The following CSF1R variants were observed in gnomAD, a reference collection of about 807,000 sequenced individuals.
CSF1R encodes colony stimulating factor 1 receptor.
In CSF1R, 40 loss-of-function variants were observed where a neutral mutation model predicts 110.0. The observed-to-expected ratio is 0.36, with a 90% confidence interval of 0.28 to 0.47. CSF1R has a LOEUF of 0.47. CSF1R is among the 20% of genes least tolerant of loss of function. CSF1R has a pLI of 0.99. For synonymous variants in CSF1R, 523 were observed against 503.4 expected, an observed-to-expected ratio of 1.04 and a Z score of -0.52; for missense variants, 1,052 against 1,253.0, an observed-to-expected ratio of 0.84 and a Z score of 2.42.
rs1350384812 is a variant in CSF1R at position 150,077,364 on chromosome 5, T to C, written c.801A>G (p.Gln267=). ...AGTTGCCGGCATGTTGGAAATCTAC[T>C]TGATCGAGGTTGAGGGTCAGGACTT... ...YQKVLTLNLD[Q]VDFQHAGNYS... Residue 267 remains glutamine, a synonymous_variant, in exon 5 of 21, where the codon CAA becomes CAG. Coordinates refer to ENST00000675795, the MANE Select transcript of CSF1R (RefSeq NM_001288705.3). 1.2e-6 allele frequency: 2 copies of C among 1,614,174 alleles called. No individual in the cohort carries two copies. The highest frequency in any genetic ancestry group is 1.7e-6 in the Non-Finnish European group (2 of 1,180,032).
At chr5:150,075,659 C>T (rs2113820297) in intron 5 of CSF1R, among the ~76,000 whole-genome samples, 1 of 152,180 alleles carries the variant, frequency 6.6e-6, no homozygotes, top group East Asian at 1.9e-4. Context: ...AGCTAGAGCA[C>T]ACACTTCATG....
At chr5:150,055,866 G>A (rs914319845) in intron 18 of CSF1R, among the ~76,000 whole-genome samples, 160 bp downstream of exon 18, 2 of 152,236 alleles carry the variant, frequency 1.3e-5, no homozygotes, top group African/African-American at 4.8e-5. Flanking sequence ...GGTCTGCCGA[G>A]TCCCGCAGGA....
chr5:150,073,175 GA>G, intron 6 of CSF1R, 125 bp downstream of exon 6: 1 of 897,440 alleles, frequency 1.1e-6, no homozygotes, highest in Non-Finnish European at 1.7e-6. Context: ...GCGAAGCCCA[GA>G]AAGGGGCAGG....
intron 10 of CSF1R, among the ~76,000 whole-genome samples, chr5:150,067,478 G>T (rs147861404): frequency 3.3e-5 from 5 of 152,172 alleles, no homozygotes; most frequent in African/African-American, 1.2e-4. Flanking sequence ...GTTGCTGAGG[G>T]CATTAAATGA....
upstream of CSF1R, among the ~76,000 whole-genome samples, chr5:150,088,531 TTC>T (rs1554104822): frequency 6.7e-6 from 1 of 149,346 alleles, no homozygotes; most frequent in African/African-American, 2.6e-5. Context: ...TTTTTTTTTT[TTC>T]TTTCTTTCTT....
intron 1 of CSF1R, among the ~76,000 whole-genome samples, chr5:150,100,613 T>C (rs891015955): frequency 6.6e-6 from 1 of 152,168 alleles, no homozygotes; most frequent in Non-Finnish European, 1.5e-5. Flanking sequence ...GGAAATCTCA[T>C]ACACTGCTGG....
At chr5:150,068,487 C>T (rs1757881821) in intron 9 of CSF1R, among the ~76,000 whole-genome samples, 157 bp from the exon 10 acceptor site, 1 of 152,160 alleles carries the variant, frequency 6.6e-6, no homozygotes, top group Non-Finnish European at 1.5e-5. Context: ...CTCTCCTGCA[C>T]ACCCTCCCCG....
At chr5:150,081,769 C>T (rs1480990446) in intron 1 of CSF1R, among the ~76,000 whole-genome samples, 1 of 152,228 alleles carries the variant, frequency 6.6e-6, no homozygotes, top group Non-Finnish European at 1.5e-5. Flanking sequence ...CCCCGGCACC[C>T]CCACACATCT....
Position 150,097,293 on chromosome 5 carries a change from G to A in CSF1R, c.-180-10686C>T, listed in dbSNP as rs192987264. Among the ~76,000 whole-genome samples the A allele has an allele frequency of 2.1e-4, 22 of 104,718 alleles. 1 individual carries two copies. In the East Asian group the frequency reaches 6.3e-3, roughly 30 times the overall value. 68.7% of individuals were successfully genotyped at this position (104,718 alleles called of 152,430 possible). A position where few individuals can be genotyped will look rare whatever the true frequency, so the allele number is the denominator to read the frequency against. On this transcript the variant is annotated intron_variant, in intron 1 of 21. Coordinates refer to the CSF1R transcript ENST00000286301. Reference sequence around the variant, plus strand: ...AGAAGGAAGGAAGGAAGGAGAAGGAGAAGGGAAGGGAAAGGGAAAGGGGAA... The same window carrying A: ...AGAAGGAAGGAAGGAAGGAGAAGGAAAAGGGAAGGGAAAGGGAAAGGGGAA...
chr5:150,060,846 A>C lies in CSF1R; in HGVS notation c.1969+16T>G. The C allele has an allele frequency of 6.4e-7, 1 of 1,569,050 alleles. No homozygotes were observed. Among genetic ancestry groups the C allele is most frequent in the Admixed American group, 1.8e-5 (1 of 56,830 alleles). ...AGGCCCCAAGACCTTGGCCCCAGGA[A>C]CCCCAAGGCCCTTACCTCCATGGGT... On this transcript the variant is annotated intron_variant, in intron 13 of 20. Coordinates refer to ENST00000675795, the MANE Select transcript of CSF1R (RefSeq NM_001288705.3).
intron 1 of CSF1R, among the ~76,000 whole-genome samples, chr5:150,093,614 G>C (rs1212876598): frequency 6.6e-6 from 1 of 152,116 alleles, no homozygotes; most frequent in Non-Finnish European, 1.5e-5. Flanking sequence ...AGAATGAATA[G>C]AAAACATCTA....
At chr5:150,094,517 G>C (rs1581342733) in intron 1 of CSF1R, 1 of 1,599,878 alleles carries the variant, frequency 6.3e-7, no homozygotes, top group Non-Finnish European at 8.5e-7. Context: ...TTCGAATGGC[G>C]AGGATGGCAA....
At chr5:150,094,471 A>G (rs1372153264) in intron 1 of CSF1R, 6 of 1,598,630 alleles carry the variant, frequency 3.8e-6, no homozygotes, top group East Asian at 4.5e-5. Flanking sequence ...GCAAAGCACT[A>G]TCACAAGGAA....
At chr5:150,106,733 CTCCA>C (rs1759568586) in intron 1 of CSF1R, among the ~76,000 whole-genome samples, 1 of 152,172 alleles carries the variant, frequency 6.6e-6, no homozygotes, top group African/African-American at 2.4e-5. Flanking sequence ...CCTCTTCTCT[CTCCA>C]TCCACCCTCC....
Position 150,070,535 on chromosome 5 carries a change from G to A in CSF1R, c.1119C>T (p.Pro373=), listed in dbSNP as rs773317764. ...TFTLSLPRLK[P]SEAGRYSFLA... is the part of the protein sequence containing the mutation. Reference sequence around the variant, plus strand: ...GGAAGGAGTAGCGGCCAGCCTCAGAGGGCTTCAGGCGGGGCAGAGAGAGGG... The same window carrying A: ...GGAAGGAGTAGCGGCCAGCCTCAGAAGGCTTCAGGCGGGGCAGAGAGAGGG... Residue 373 remains proline (P), a synonymous_variant, in exon 7 of 21, where the codon CCC becomes CCT. Coordinates refer to ENST00000675795, the MANE Select transcript of CSF1R (RefSeq NM_001288705.3). The A allele has an allele frequency of 5.8e-6, 9 of 1,549,982 alleles. No homozygotes were observed. The highest frequency in any genetic ancestry group is 7.0e-6 in the Non-Finnish European group (8 of 1,146,642).
At chr5:150,112,721 C>T (rs767751480) in intron 1 of CSF1R, among the ~76,000 whole-genome samples, 7 of 152,182 alleles carry the variant, frequency 4.6e-5, no homozygotes, top group African/African-American at 1.7e-4. Flanking sequence ...TATGGCCAGG[C>T]CTTATAGCCG....
At chr5:150,056,397 T>C in intron 16 of CSF1R, 56 bp from the exon 17 acceptor site, 1 of 1,603,234 alleles carries the variant, frequency 6.2e-7, no homozygotes, top group East Asian at 2.2e-5. Flanking sequence ...GAGCCTGAGG[T>C]GAGGAGGATG....
chr5:150,054,339 C>G lies in CSF1R; in HGVS notation c.2746G>C (p.Glu916Gln), dbSNP rs142435467. The change falls in exon 20 of 21, where the codon GAG (glutamate) becomes CAG (glutamine). Residue 916 changes from glutamate (E) to glutamine (Q), a missense_variant. Physicochemically the swap from Glu to Gln is conservative, Grantham distance 29. This residue lies in a region of CSF1R where 85 missense variants were observed against 78.8 expected (regional missense o/e 1.08). Transcript: ENST00000675795. Reference protein sequence around the residue: ...ICSFLQEQAQEDRRERDYTNL... With the variant: ...ICSFLQEQAQQDRRERDYTNL... ...CCACTCACCCGCTCTCTCCTGTCCTCTTGGGCCTGCTCCTGAAGGAAGGAG... is the reference window on the plus strand; with the variant it reads ...CCACTCACCCGCTCTCTCCTGTCCTGTTGGGCCTGCTCCTGAAGGAAGGAG... The G allele has an allele frequency of 2.5e-6, 4 of 1,614,058 alleles. No homozygotes were observed. The highest frequency in any genetic ancestry group is 3.4e-6 in the Non-Finnish European group (4 of 1,180,036).
chr5:150,080,403 T>C (rs1189503629), intron 2 of CSF1R, 67 bp from the exon 3 acceptor site: 1 of 1,556,834 alleles, frequency 6.4e-7, no homozygotes, highest in African/African-American at 1.4e-5. Context: ...TACCTGGACA[T>C]AGGTGACAAG....
Sources: allele counts gnomAD v4.1 joint callset (sites outside exome capture counted in the v4.1 genomes callset), GRCh38; gene constraint gnomAD v4.1.1; regional missense constraint gnomAD v4.1.1; transcripts MANE v1.5; gene names NCBI Gene and HGNC (gene_info 2026-07-23, HGNC 2026-07-21).